The following DIAPH2 variants were observed in gnomAD, a reference collection of about 807,000 sequenced individuals.
DIAPH2 encodes protein diaphanous homolog 2.
A neutral mutation model predicts 92.7 loss-of-function variants in DIAPH2; 35 were observed. That is an observed-to-expected ratio of 0.38 (90% CI 0.29 to 0.50). The LOEUF is 0.50. DIAPH2 is among the 20% of genes least tolerant of loss of function. The pLI is 0.94. For missense variants in DIAPH2, 701 were observed against 819.5 expected (o/e 0.86, Z 1.77); for synonymous variants, 301 against 280.4 (o/e 1.07, Z -0.73).
intron 25 of DIAPH2, among the ~76,000 whole-genome samples, chrX:97,405,752 C>A (rs2069803399): frequency 9.0e-6 from 1 of 111,225 alleles, no homozygotes; most frequent in Admixed American, 9.6e-5. Context: ...GAAATTGTTG[C>A]CATTTGACTG....
intron 4 of DIAPH2, among the ~76,000 whole-genome samples, chrX:96,807,683 A>G (rs754631214): frequency 9.1e-6 from 1 of 109,793 alleles, no homozygotes; most frequent in East Asian, 2.9e-4. Context: ...GGAAACTGGG[A>G]AACAGAATCT....
chrX:97,193,985 C>G (rs965024793), intron 22 of DIAPH2, among the ~76,000 whole-genome samples: 5 of 111,528 alleles, frequency 4.5e-5, no homozygotes, highest in Non-Finnish European at 9.4e-5. Flanking sequence ...CATTGTCAGG[C>G]TTTGTTTTTT....
intron 22 of DIAPH2, among the ~76,000 whole-genome samples, chrX:97,225,776 T>G (rs2067960442): frequency 8.9e-6 from 1 of 112,014 alleles, no homozygotes; most frequent in African/African-American, 3.2e-5. Context: ...GAAAAAAACC[T>G]AAATAATTGA....
intron 26 of DIAPH2, among the ~76,000 whole-genome samples, chrX:97,585,894 A>G (rs1014969666): frequency 8.9e-6 from 1 of 111,998 alleles, no homozygotes; most frequent in Non-Finnish European, 1.9e-5. Context: ...ATTATTGCTT[A>G]TTCCATTTTT....
chrX:97,120,653 A>G (rs1221371043), intron 21 of DIAPH2, among the ~76,000 whole-genome samples: 3 of 86,235 alleles, frequency 3.5e-5, no homozygotes, highest in African/African-American at 9.6e-5. Flanking sequence ...ATCAGCTATC[A>G]TTAGTGATAG....
intron 25 of DIAPH2, among the ~76,000 whole-genome samples, chrX:97,409,547 C>T (rs1317475439): frequency 2.7e-5 from 3 of 111,382 alleles, no homozygotes; most frequent in Non-Finnish European, 5.7e-5. Flanking sequence ...CCACAGAGTG[C>T]GAGCCGAAGC....
chrX:97,570,027 G>A (rs1440142277), intron 26 of DIAPH2, among the ~76,000 whole-genome samples: 2 of 84,603 alleles, frequency 2.4e-5, no homozygotes, highest in African/African-American at 8.8e-5. Context: ...AAAATTCTAT[G>A]TTCCATTGAT....
intron 25 of DIAPH2, among the ~76,000 whole-genome samples, chrX:97,409,459 C>G (rs2147757094): frequency 9.0e-6 from 1 of 111,449 alleles, no homozygotes; most frequent in Non-Finnish European, 1.9e-5. Flanking sequence ...GTGATCGACA[C>G]AGAAGATGGT....
At chrX:96,822,847 C>A (rs6620178) in intron 4 of DIAPH2, among the ~76,000 whole-genome samples, 11,496 of 111,868 alleles carry the variant, frequency 0.1, 536 homozygotes, top group East Asian at 0.32. Context: ...GGATTAATAA[C>A]TTTATGAGTA....
At position 96,751,647 on chromosome X, in the gene DIAPH2, G is replaced by GTTTTTTTTTTTTTTTTT. The variant is rs1332024432; in HGVS notation, c.343-6503_343-6502insTTTTTTTTTTTTTTTTT. Among the ~76,000 whole-genome samples the GTTTTTTTTTTTTTTTTT allele has an allele frequency of 3.0e-3, 253 of 84,832 alleles. 6 individuals carry two copies. The highest frequency in any genetic ancestry group is 8.1e-3 in the East Asian group (18 of 2,221). The allele number at this position is 84,832 out of a possible 115,157, so 73.7% of individuals were successfully genotyped here. A position where few individuals can be genotyped will look rare whatever the true frequency, so the allele number is the denominator to read the frequency against. On this transcript the variant is annotated intron_variant, in intron 3 of 26. Transcript: ENST00000324765. Reference sequence around the variant, plus strand: ...TATAAATGGTCAACTAGACTTCAGTGTTTTGTTTTTTTTTTTTTTTTTTTG... The same window carrying GTTTTTTTTTTTTTTTTT: ...TATAAATGGTCAACTAGACTTCAGTGTTTTTTTTTTTTTTTTTTTTTGTTTTTTTTTTTTTTTTTTTG...
chrX:97,288,854 C>T (rs2147609885), intron 23 of DIAPH2, among the ~76,000 whole-genome samples: 1 of 111,281 alleles, frequency 9.0e-6, no homozygotes, highest in Non-Finnish European at 1.9e-5. Flanking sequence ...TTACCTAGCT[C>T]CCTCATGAAC....
intron 22 of DIAPH2, among the ~76,000 whole-genome samples, chrX:97,231,196 C>G (rs1177821288): frequency 9.4e-6 from 1 of 106,779 alleles, no homozygotes; most frequent in East Asian, 2.9e-4. Flanking sequence ...TAATTGTTTA[C>G]TGGGCTTTTT....
chrX:97,159,121 G>A (rs1401923699), intron 22 of DIAPH2, among the ~76,000 whole-genome samples: 1 of 111,659 alleles, frequency 9.0e-6, no homozygotes, highest in East Asian at 2.8e-4. Flanking sequence ...TATAGTCAGT[G>A]TTGTTCATGC....
intron 22 of DIAPH2, among the ~76,000 whole-genome samples, chrX:97,210,491 A>G (rs1018976949): frequency 1.8e-5 from 2 of 111,456 alleles, no homozygotes; most frequent in African/African-American, 6.5e-5. Flanking sequence ...TGTATTCTCT[A>G]TTTTGTTTTA....
Position 96,948,972 on chromosome X carries a change from C to T in DIAPH2, c.1547C>T (p.Ala516Val), listed in dbSNP as rs377454416. The change falls in exon 15 of 27, where the codon GCA becomes GTA. Residue 516 changes from alanine (A) to valine (V), a missense_variant. Physicochemically the swap from Ala to Val is moderately conservative, Grantham distance 64 (BLOSUM62 0). Around this residue, in one of 3 missense-constraint regions of DIAPH2, gnomAD observed 536 missense variants for 599.3 expected, o/e 0.89. Transcript: ENST00000324765. ...TTCACAGCTCGACAGGAAGCTCAAGCAGAGCTTCAAAAAAGAGATGAGAAA... is the reference window on the plus strand; with the variant it reads ...TTCACAGCTCGACAGGAAGCTCAAGTAGAGCTTCAAAAAAGAGATGAGAAA... ...EEFTARQEAQ[A>V]ELQKRDEKIK... 14 of 1,203,443 alleles carry T rather than the reference C, an allele frequency of 1.2e-5. No individual in the cohort carries two copies. Among genetic ancestry groups the T allele is most frequent in the Non-Finnish European group, 1.5e-5 (13 of 890,831 alleles).
intron 10 of DIAPH2, among the ~76,000 whole-genome samples, 182 bp downstream of exon 10, chrX:96,931,025 A>G (rs1414436698): frequency 8.9e-6 from 1 of 112,146 alleles, no homozygotes; most frequent in East Asian, 2.8e-4. Flanking sequence ...GATGATTCAG[A>G]ATTCAGCTAA....
At chrX:97,198,369 C>A (rs1351044910) in intron 22 of DIAPH2, among the ~76,000 whole-genome samples, 2 of 108,202 alleles carry the variant, frequency 1.8e-5, no homozygotes, top group African/African-American at 6.8e-5. Flanking sequence ...TAAGGACCAT[C>A]AGATTTTAAT....
At chrX:97,453,939 C>T (rs2070380290) in intron 26 of DIAPH2, 1 of 111,762 alleles carries the variant, frequency 8.9e-6, no homozygotes, top group South Asian at 3.8e-4. Flanking sequence ...AGGAACACTT[C>T]ACCTCTCTGA....
intron 19 of DIAPH2, among the ~76,000 whole-genome samples, chrX:97,080,615 A>G (rs2066736610): frequency 9.0e-6 from 1 of 111,316 alleles, no homozygotes; most frequent in South Asian, 3.8e-4. Flanking sequence ...TTTTATCTCA[A>G]AACAGATTAT....
Sources: allele counts gnomAD v4.1 joint callset (sites outside exome capture counted in the v4.1 genomes callset), GRCh38; gene constraint gnomAD v4.1.1; regional missense constraint gnomAD v4.1.1; transcripts MANE v1.5; gene names NCBI Gene and HGNC (gene_info 2026-07-23, HGNC 2026-07-21).